Variants in RANBP3L observed in about 807,000 individuals in gnomAD.
RANBP3L encodes the protein ran-binding protein 3-like.
A neutral mutation model predicts 67.2 loss-of-function variants in RANBP3L; 56 were observed. The observed-to-expected ratio is 0.83, with a 90% CI of 0.67 to 1.04. The LOEUF is 1.04. Ranked by LOEUF, RANBP3L falls within the 50% of genes least tolerant of loss-of-function variation. RANBP3L has a pLI of 0.00. For synonymous variants in RANBP3L, 164 were observed against 181.4 expected (o/e 0.90, Z 0.77); for missense variants, 496 against 535.5 (o/e 0.93, Z 0.73).
intron 11 of RANBP3L, among the ~76,000 whole-genome samples, chr5:36,254,936 C>T (rs1258474874): frequency 6.6e-6 from 1 of 152,096 alleles, no homozygotes; most frequent in East Asian, 1.9e-4. Context: ...TAACTACACA[C>T]CTTAGAACTA....
chr5:36,260,195 T>C (rs985249223), intron 8 of RANBP3L, among the ~76,000 whole-genome samples: 5 of 96,390 alleles, frequency 5.2e-5, no homozygotes, highest in Non-Finnish European at 7.3e-5. Flanking sequence ...CTACTAAAAA[T>C]ACAAAAAAAA....
chr5:36,299,331 A>G (rs986055222), intron 1 of RANBP3L, among the ~76,000 whole-genome samples: 2 of 124,738 alleles, frequency 1.6e-5, no homozygotes, highest in East Asian at 4.7e-4. Context: ...ATACACATAC[A>G]TATATGTGTG....
At chr5:36,269,753 A>C (rs1750077793) in intron 3 of RANBP3L, among the ~76,000 whole-genome samples, 198 bp downstream of exon 3, 1 of 152,226 alleles carries the variant, frequency 6.6e-6, no homozygotes, top group South Asian at 2.1e-4. Flanking sequence ...AGTGGAGCAC[A>C]ATGAATTTTA....
intron 1 of RANBP3L, among the ~76,000 whole-genome samples, chr5:36,294,787 G>A (rs895175605): frequency 1.4e-5 from 2 of 147,756 alleles, no homozygotes; most frequent in African/African-American, 2.5e-5. Context: ...TGTATGTATA[G>A]TGTATATATA....
chr5:36,255,536 C>T lies in RANBP3L; in HGVS notation c.958G>A (p.Gly320Ser), dbSNP rs749462134. The change falls in exon 11 of 14, where the codon GGC becomes AGC. Residue 320 changes from glycine (G) to serine (S), a missense_variant. Physicochemically the swap from Gly to Ser is moderately conservative, Grantham distance 56. Coordinates refer to ENST00000296604, the MANE Select transcript of RANBP3L (RefSeq NM_145000.5). Reference sequence around the variant, plus strand: ...TCATTCAGTCTCAACGTTCCTCTGCCCCTTTCAATCCAGGATTGTGTTGTT... The same window carrying T: ...TCATTCAGTCTCAACGTTCCTCTGCTCCTTTCAATCCAGGATTGTGTTGTT... ...NKTTQSWIERGRGTLRLNDTA... is the reference protein window; with the variant it reads ...NKTTQSWIERSRGTLRLNDTA... The T allele has an allele frequency of 3.1e-6, 5 of 1,611,662 alleles. No homozygotes were observed. The highest frequency in any genetic ancestry group is 4.2e-6 in the Non-Finnish European group (5 of 1,178,152).
intron 1 of RANBP3L, among the ~76,000 whole-genome samples, chr5:36,292,830 A>G (rs1283557404): frequency 1.3e-5 from 2 of 152,210 alleles, no homozygotes; most frequent in Non-Finnish European, 2.9e-5. Context: ...GAAGTCAGGT[A>G]GCGTGATGCC....
intron 1 of RANBP3L, among the ~76,000 whole-genome samples, chr5:36,284,107 C>T (rs55854130): frequency 8.5e-5 from 13 of 152,146 alleles, no homozygotes; most frequent in Admixed American, 2.0e-4. Flanking sequence ...CCTCAGCCTC[C>T]TAAGTAGCTC....
intron 6 of RANBP3L, among the ~76,000 whole-genome samples, chr5:36,263,040 T>TACAAAATCCACCTAGAGATAGTTTTC (rs1454288724): frequency 2.6e-5 from 4 of 152,212 alleles, no homozygotes; most frequent in African/African-American, 7.2e-5. Context: ...ATAATGGTTC[T>TACAAAATCCACCTAGAGATAGTTTTC]ACAAAATCCA....
Position 36,269,994 on chromosome 5 carries a change from A to G in RANBP3L, c.151-4T>C. 1 of 1,612,716 alleles carries G rather than the reference A, an allele frequency of 6.2e-7. No individual in the cohort carries two copies. Among genetic ancestry groups the G allele is most frequent in the East Asian group, 2.2e-5 (1 of 44,856 alleles). On this transcript the variant is annotated splice_region_variant and splice_polypyrimidine_tract_variant and intron_variant, in intron 2 of 13. Transcript: ENST00000296604. Reference sequence around the variant, plus strand: ...ACAGGGTGTCTTCTGCAGGTCTCTGAAAGGAAACAAAACCACTGAGGAGAG... The same window carrying G: ...ACAGGGTGTCTTCTGCAGGTCTCTGGAAGGAAACAAAACCACTGAGGAGAG...
intron 1 of RANBP3L, among the ~76,000 whole-genome samples, chr5:36,271,665 G>A (rs1750224000): frequency 1.3e-5 from 2 of 152,116 alleles, no homozygotes; most frequent in African/African-American, 4.8e-5. Flanking sequence ...GTTTCAATGA[G>A]TGAAAAATCT....
intron 1 of RANBP3L, among the ~76,000 whole-genome samples, chr5:36,283,136 C>T (rs1751085251): frequency 6.6e-6 from 1 of 152,132 alleles, no homozygotes; most frequent in African/African-American, 2.4e-5. Flanking sequence ...TGGCTCACTA[C>T]AACCTCTGCC....
At position 36,257,050 on chromosome 5, in the gene RANBP3L, G is replaced by A. The variant is rs765166715; in HGVS notation, c.794C>T (p.Thr265Ile). ...TGCAGCAGCTGATTCAATTAGGGAA[G>A]TATTTTTAATAGAGTCTGTTCCTAA... ...LSSRTDSIKN[T>I]SLIESAAAFS... The change falls in exon 10 of 14, where the codon ACT (threonine) becomes ATT (isoleucine). Residue 265 changes from threonine to isoleucine, a missense_variant. Thr to Ile is a moderately conservative substitution (Grantham distance 89, BLOSUM62 -1). Coordinates refer to ENST00000296604, the MANE Select transcript of RANBP3L (RefSeq NM_145000.5). The A allele has an allele frequency of 5.0e-6, 8 of 1,612,180 alleles. No homozygotes were observed. The highest frequency in any genetic ancestry group is 5.1e-6 in the Non-Finnish European group (6 of 1,178,874).
At chr5:36,269,066 T>C (rs193255385) in intron 4 of RANBP3L, among the ~76,000 whole-genome samples, 49 of 152,220 alleles carry the variant, frequency 3.2e-4, no homozygotes, top group Admixed American at 3.1e-3. Context: ...ACAAGCTCAA[T>C]GCAGAAACTT....
intron 6 of RANBP3L, among the ~76,000 whole-genome samples, chr5:36,262,815 T>A (rs1749492565): frequency 6.6e-6 from 1 of 152,162 alleles, no homozygotes; most frequent in South Asian, 2.1e-4. Context: ...AGAGAGCATG[T>A]GCCATGGTTG....
In RANBP3L at chr5:36,294,613, G is replaced by A. The variant is rs1034065446; in HGVS notation, c.91+6713C>T. The stretch of plus-strand genomic sequence containing the variant: ...TCTTGTATGTTGTGCCTTTGTTCTC[G>A]TTGGTTTCAAAGAACATTTTTATTT... On this transcript the variant is annotated intron_variant, in intron 1 of 13. Transcript: ENST00000296604. 1.6e-4 allele frequency among the ~76,000 whole-genome samples: 25 copies of A among 151,638 alleles called. No homozygotes were observed. The East Asian group carries it at 2.1e-3, about 13-fold the overall frequency.
intron 1 of RANBP3L, among the ~76,000 whole-genome samples, chr5:36,281,431 T>C (rs928601156): frequency 1.3e-5 from 2 of 152,216 alleles, no homozygotes; most frequent in African/African-American, 4.8e-5. Flanking sequence ...AGATAATTCT[T>C]AGATATCTGA....
intron 7 of RANBP3L, 30 bp downstream of exon 7, chr5:36,261,909 G>T: frequency 9.9e-7 from 1 of 1,015,214 alleles, no homozygotes; most frequent in South Asian, 1.5e-5. Flanking sequence ...AGAATGAAAG[G>T]ACAACGCTTC....
chr5:36,269,663 G>A (rs1243592675), intron 3 of RANBP3L, among the ~76,000 whole-genome samples, 196 bp from the exon 4 acceptor site: 1 of 152,180 alleles, frequency 6.6e-6, no homozygotes, highest in East Asian at 1.9e-4. Flanking sequence ...GAAACAATTA[G>A]AAATGAGTGG....
intron 11 of RANBP3L, among the ~76,000 whole-genome samples, chr5:36,254,518 C>T (rs571718845): frequency 7.0e-4 from 104 of 149,188 alleles, no homozygotes; most frequent in Non-Finnish European, 1.4e-3. Context: ...ATTTTTTTTT[C>T]TTTGGCAGGC....
Sources: allele counts gnomAD v4.1 joint callset (sites outside exome capture counted in the v4.1 genomes callset), GRCh38; gene constraint gnomAD v4.1.1; transcripts MANE v1.5; gene names NCBI Gene and HGNC (gene_info 2026-07-23, HGNC 2026-07-21).